Variants in FGD1 observed in about 807,000 individuals in gnomAD.
FGD1 encodes FYVE, RhoGEF and PH domain containing 1.
FGD1 carries 12 observed loss-of-function variants against 65.0 expected under a neutral mutation model. The ratio of observed to expected loss-of-function variants is 0.18; its 90% CI spans 0.12 to 0.30. The LOEUF is 0.30. Ranked by LOEUF, FGD1 falls within the 10% of genes least tolerant of loss-of-function variation. The pLI, the probability that FGD1 is intolerant of heterozygous loss-of-function variation, is 1.00. For synonymous variants in FGD1, 333 were observed against 343.9 expected (o/e 0.97, Z 0.35); for missense variants, 542 against 837.6 (o/e 0.65, Z 4.36).
intron 1 of FGD1, among the ~76,000 whole-genome samples, chrX:54,480,450 G>A (rs1325831861): frequency 5.4e-5 from 6 of 111,246 alleles, no homozygotes; most frequent in Non-Finnish European, 1.1e-4. Context: ...GCAGACCCTA[G>A]TATAAAGTGA....
At chrX:54,483,331 G>A (rs940611596) in intron 1 of FGD1, among the ~76,000 whole-genome samples, 1 of 112,348 alleles carries the variant, frequency 8.9e-6, no homozygotes, top group Non-Finnish European at 1.9e-5. Flanking sequence ...GGGGAGCAGG[G>A]AAGGGGCTGG....
In FGD1 at chrX:54,446,046, GC is replaced by G; in HGVS notation, c.*62del. 1 of 932,835 alleles carries G rather than the reference GC, an allele frequency of 1.1e-6. No individual in the cohort carries two copies. Among genetic ancestry groups the G allele is most frequent in the Non-Finnish European group, 1.5e-6 (1 of 665,766 alleles). 76.9% of individuals were successfully genotyped at this position (932,835 alleles called of 1,213,427 possible). A position where few individuals can be genotyped will look rare whatever the true frequency, so the allele number is the denominator to read the frequency against. On this transcript the variant is annotated 3_prime_UTR_variant, in exon 18 of 18. Transcript: ENST00000375135. ...CTGAGCTGGGAGGGAAGGGGCTAGA[GC>G]CCCCAATCAGACATGGGCAACTAGA... is the stretch of plus-strand genomic sequence containing the variant.
At chrX:54,475,273 G>A (rs1922991924) in intron 1 of FGD1, among the ~76,000 whole-genome samples, 1 of 112,574 alleles carries the variant, frequency 8.9e-6, no homozygotes, top group Non-Finnish European at 1.9e-5. Context: ...AGAGAGAGAG[G>A]CAGTGACTTG....
chrX:54,445,870 C>T lies in FGD1; in HGVS notation c.*239G>A, dbSNP rs1177399849. The T allele has an allele frequency of 2.6e-6, 1 of 388,627 alleles. No individual in the cohort carries two copies. Among genetic ancestry groups the T allele is most frequent in the East Asian group, 4.4e-5 (1 of 22,486 alleles). The allele number at this position is 388,627 out of a possible 1,213,427, so 32.0% of individuals were successfully genotyped here. A position where few individuals can be genotyped will look rare whatever the true frequency, so the allele number is the denominator to read the frequency against. On this transcript the variant is annotated 3_prime_UTR_variant, in exon 18 of 18. Coordinates refer to ENST00000375135, the MANE Select transcript of FGD1 (RefSeq NM_004463.3). ...ATTCAGGTAGGACTGGCAACGGCTC[C>T]CACCCTCCCTGGGGACAGGGATTAA...
chrX:54,484,132 C>T (rs1015658272), intron 1 of FGD1, among the ~76,000 whole-genome samples: 1 of 112,204 alleles, frequency 8.9e-6, no homozygotes, highest in Non-Finnish European at 1.9e-5. Flanking sequence ...GTCTGTTCCT[C>T]GAAAGTGCTC....
intron 1 of FGD1, among the ~76,000 whole-genome samples, chrX:54,472,145 G>A (rs1466738284): frequency 1.8e-5 from 2 of 110,340 alleles, no homozygotes; most frequent in Non-Finnish European, 3.8e-5. Context: ...GGGCAGTGTG[G>A]TGTGCACCTG....
chrX:54,456,735 C>T (rs1445678414), intron 8 of FGD1, among the ~76,000 whole-genome samples, 168 bp from the exon 9 acceptor site: 1 of 109,774 alleles, frequency 9.1e-6, no homozygotes, highest in Non-Finnish European at 1.9e-5. Context: ...CGGGTTCAAG[C>T]GATTCTCCTG....
rs12011120 is a variant in FGD1 at position 54,449,716 on chromosome X, A to G, written c.2091T>C (p.Thr697=). Residue 697 remains threonine (T), a synonymous_variant, in exon 14 of 18, where the codon ACT becomes ACC. Coordinates refer to ENST00000375135, the MANE Select transcript of FGD1 (RefSeq NM_004463.3). ...TLLKHEQTLE[T]FKLLNSTNRE... ...TGTTTGTTGAGTTCAACAGTTTGAA[A>G]GTCTCCAGCGTCTGTTCATGCTTCA... The G allele has an allele frequency of 0.051, 61,135 of 1,206,541 alleles. 6,368 individuals are homozygous for G. The African/African-American group carries it at 0.52, about 10-fold the overall frequency.
At position 54,470,214 on chromosome X, in the gene FGD1, A is replaced by G. The variant is rs1922851903; in HGVS notation, c.903T>C (p.Ser301=). The change falls in exon 4 of 18, where the codon AGT becomes AGC. Residue 301 remains serine, a synonymous_variant. Transcript: ENST00000375135. ...PSNSEETCFV[S]DDGPPSHSLC... is the part of the protein sequence containing the mutation. ...GGCTGTGGCTGGGGGGCCCGTCATC[A>G]CTGACGAAGCAGGTCTCCTCGCTGT... 1 of 1,206,345 alleles carries G rather than the reference A, an allele frequency of 8.3e-7. No individual in the cohort carries two copies. Among genetic ancestry groups the G allele is most frequent in the East Asian group, 3.0e-5 (1 of 33,631 alleles).
At chrX:54,448,372 G>A (rs1449948750) in intron 16 of FGD1, among the ~76,000 whole-genome samples, 1 of 110,685 alleles carries the variant, frequency 9.0e-6, no homozygotes, top group African/African-American at 3.3e-5. Context: ...TTTTAGTAGA[G>A]ATGGGGTTTC....
At chrX:54,457,240 A>G (rs1369987788) in intron 8 of FGD1, among the ~76,000 whole-genome samples, 2 of 111,447 alleles carry the variant, frequency 1.8e-5, no homozygotes, top group Non-Finnish European at 3.8e-5. Context: ...GTTTTTCTGT[A>G]TTTTCCGTAT....
chrX:54,493,202 G>C (rs2147447669), intron 1 of FGD1, among the ~76,000 whole-genome samples: 1 of 111,373 alleles, frequency 9.0e-6, no homozygotes, highest in South Asian at 3.9e-4. Context: ...CCTTCTTTTA[G>C]GCAATAGTTA....
intron 1 of FGD1, among the ~76,000 whole-genome samples, chrX:54,493,670 GCTTTACAC>G (rs1923463635): frequency 8.9e-6 from 1 of 111,927 alleles, no homozygotes; most frequent in African/African-American, 3.2e-5. Context: ...AAAGGCACTG[GCTTTACAC>G]AGTGTCAAGG....
intron 12 of FGD1, among the ~76,000 whole-genome samples, chrX:54,455,235 G>C (rs1408304620): frequency 8.9e-6 from 1 of 112,329 alleles, no homozygotes; most frequent in African/African-American, 3.2e-5. Flanking sequence ...CCTGGCAGGA[G>C]TGCCACCTTT....
In FGD1 at chrX:54,449,186, T is replaced by G; in HGVS notation, c.2231A>C (p.Asn744Thr). ...GTGGTGCCTGCGTTTGGTGATAGAA[T>G]TGAAGGGCTCCTGGCAGCGCATGCA... ...TMCMRCQEPFNSITKRRHHCK... is the reference protein window; with the variant it reads ...TMCMRCQEPFTSITKRRHHCK... Residue 744 changes from asparagine to threonine, a missense_variant, in exon 15 of 18, where the codon AAT (asparagine) becomes ACT (threonine). Asn to Thr is a moderately conservative substitution (Grantham distance 65, BLOSUM62 0). Coordinates refer to ENST00000375135, the MANE Select transcript of FGD1 (RefSeq NM_004463.3). The G allele has an allele frequency of 8.3e-7, 1 of 1,212,075 alleles. No homozygotes were observed. The highest frequency in any genetic ancestry group is 1.7e-5 in the African/African-American group (1 of 57,928).
At chrX:54,488,379 A>T (rs748424808) in intron 1 of FGD1, among the ~76,000 whole-genome samples, 3 of 106,815 alleles carry the variant, frequency 2.8e-5, no homozygotes, top group Non-Finnish European at 5.8e-5. Flanking sequence ...AGGTCAGGAG[A>T]TCAACACCAC....
rs766841672 is a variant in FGD1, at chrX:54,446,419, C to T, written c.2581-5G>A. The T allele has an allele frequency of 3.2e-5, 39 of 1,204,798 alleles. No individual in the cohort carries two copies. Among genetic ancestry groups the T allele is most frequent in the Admixed American group, 4.4e-5 (2 of 45,279 alleles). On this transcript the variant is annotated splice_polypyrimidine_tract_variant and splice_region_variant and intron_variant, in intron 17 of 17. Coordinates refer to ENST00000375135, the MANE Select transcript of FGD1 (RefSeq NM_004463.3). ...GCTGCGCTGGGCTTTCACATCCTGG[C>T]GGGAGGAGGGACAGAGCTGGGGCCA...
intron 6 of FGD1, among the ~76,000 whole-genome samples, chrX:54,466,085 C>G (rs368840652): frequency 1.2e-4 from 14 of 112,003 alleles, no homozygotes; most frequent in African/African-American, 4.5e-4. Flanking sequence ...CTGCCCTGCC[C>G]GAGTACTGGT....
chrX:54,490,422 T>A (rs1923388782), intron 1 of FGD1, among the ~76,000 whole-genome samples: 1 of 111,997 alleles, frequency 8.9e-6, no homozygotes, highest in Admixed American at 9.5e-5. Flanking sequence ...AAATAAAATG[T>A]TCATGAAGAG....
Sources: allele counts gnomAD v4.1 joint callset (sites outside exome capture counted in the v4.1 genomes callset), GRCh38; gene constraint gnomAD v4.1.1; transcripts MANE v1.5; gene names NCBI Gene and HGNC (gene_info 2026-07-23, HGNC 2026-07-21).